The following PCDHA3 variants were observed in gnomAD, a reference collection of about 807,000 sequenced individuals.
The protein encoded by PCDHA3 is protocadherin alpha-3.
Under a neutral mutation model 62.2 loss-of-function variants are expected in PCDHA3, and 41 were observed. The observed-to-expected ratio is 0.66, with a 90% CI of 0.51 to 0.86. The LOEUF is 0.86. PCDHA3 is among the 40% of genes least tolerant of loss of function. PCDHA3 has a pLI of 0.00. For synonymous variants in PCDHA3, 640 were observed against 555.4 expected (o/e 1.15, Z -2.14); for missense variants, 1,304 against 1,241.2 (o/e 1.05, Z -0.76).
intron 1 of PCDHA3, chr5:140,848,990 C>T (rs2150428004): frequency 4.4e-6 from 7 of 1,597,248 alleles, no homozygotes; most frequent in Middle Eastern, 1.7e-4. Flanking sequence ...TCGGGGAGAA[C>T]GCCCTGCTCA....
chr5:140,927,169 T>A, intron 1 of PCDHA3: 1 of 1,614,172 alleles, frequency 6.2e-7, no homozygotes, highest in Non-Finnish European at 8.5e-7. Context: ...CAAAGCTGCC[T>A]GCGTCTTGAC....
intron 3 of PCDHA3, among the ~76,000 whole-genome samples, chr5:140,990,652 A>T (rs1023448596): frequency 1.3e-4 from 20 of 152,208 alleles, no homozygotes; most frequent in Admixed American, 1.3e-3. Flanking sequence ...GCCAGTATGA[A>T]TGATTTACAT....
chr5:140,826,151 AT>A (rs1354366047), intron 1 of PCDHA3, among the ~76,000 whole-genome samples: 3 of 152,210 alleles, frequency 2.0e-5, no homozygotes, highest in African/African-American at 7.2e-5. Flanking sequence ...AGTCCTAGAA[AT>A]TGAGAAATAG....
At chr5:140,822,972 C>T (rs149152981) in intron 1 of PCDHA3, 333 of 1,614,132 alleles carry the variant, frequency 2.1e-4, no homozygotes, top group Non-Finnish European at 2.6e-4. Context: ...TGGTGTCCAC[C>T]TTCAAGAATT....
intron 1 of PCDHA3, chr5:140,969,209 A>G (rs1586360550): frequency 1.2e-6 from 2 of 1,614,194 alleles, no homozygotes; most frequent in Non-Finnish European, 1.7e-6. Context: ...AGGGGCCCAG[A>G]CAGGACCAGG....
In PCDHA3 at chr5:140,802,024, A is replaced by T; in HGVS notation, c.827A>T (p.Asp276Val). The T allele has an allele frequency of 6.2e-7, 1 of 1,614,188 alleles. No homozygotes were observed. The highest frequency in any genetic ancestry group is 8.5e-7 in the Non-Finnish European group (1 of 1,180,042). ...GATTTGGATGAAGGAGTAAATAAGG[A>T]TATCGCGTATTCTTTCAATACGGAC... ...ATDLDEGVNK[D>V]IAYSFNTDMS... is the part of the protein sequence containing the mutation. The change falls in exon 1 of 4, where the codon GAT (aspartate) becomes GTT (valine). Residue 276 changes from aspartate (D) to valine (V), a missense_variant. Coordinates refer to ENST00000522353, the MANE Select transcript of PCDHA3 (RefSeq NM_018906.3).
chr5:140,893,689 A>G (rs999117899), intron 1 of PCDHA3, among the ~76,000 whole-genome samples: 2 of 152,192 alleles, frequency 1.3e-5, no homozygotes, highest in Non-Finnish European at 2.9e-5. Context: ...ATATCATCTC[A>G]TTCTATCCTA....
chr5:141,009,771 T>C lies in PCDHA3; in HGVS notation c.2687T>C (p.Ile896Thr), dbSNP rs142720081. 3.1e-5 allele frequency: 50 copies of C among 1,613,964 alleles called. No homozygotes were observed. The highest frequency in any genetic ancestry group is 1.6e-4 in the Middle Eastern group (1 of 6,084). Residue 896 changes from isoleucine (I) to threonine (T), a missense_variant, in exon 4 of 4, where the codon ATC (isoleucine) becomes ACC (threonine). Transcript: ENST00000522353. ...DKFIIPGSPA[I>T]ISIRQEPTNS... ...TTCATTATCCCAGGATCTCCTGCAA[T>C]CATCTCCATCCGGCAGGAGCCTACT...
intron 1 of PCDHA3, chr5:140,881,486 T>G: frequency 2.8e-6 from 1 of 355,652 alleles, no homozygotes; most frequent in African/African-American, 2.2e-5. Flanking sequence ...ATTATTGTGT[T>G]TATGCACATA....
intron 3 of PCDHA3, among the ~76,000 whole-genome samples, chr5:140,993,956 C>T (rs2097588909): frequency 6.6e-6 from 1 of 152,140 alleles, no homozygotes; most frequent in Admixed American, 6.5e-5. Flanking sequence ...TGATACATGA[C>T]TGTAGTCATC....
chr5:140,907,037 A>G (rs2073120356), intron 1 of PCDHA3, among the ~76,000 whole-genome samples: 1 of 152,202 alleles, frequency 6.6e-6, no homozygotes, highest in Non-Finnish European at 1.5e-5. Flanking sequence ...ATAATGTCAC[A>G]GGGACAGTAA....
intron 1 of PCDHA3, chr5:140,865,219 G>C (rs2048775576): frequency 6.6e-6 from 1 of 152,062 alleles, no homozygotes; most frequent in Admixed American, 6.5e-5. Context: ...TTTCTTTAAA[G>C]GGATCCCAGA....
intron 1 of PCDHA3, among the ~76,000 whole-genome samples, chr5:140,951,086 T>A (rs2094547457): frequency 6.6e-6 from 1 of 152,066 alleles, no homozygotes; most frequent in Admixed American, 6.5e-5. Context: ...ATTTTCCTTT[T>A]TTTCTGATAA....
chr5:140,978,377 G>A (rs1382683424), intron 1 of PCDHA3, among the ~76,000 whole-genome samples: 3 of 152,212 alleles, frequency 2.0e-5, no homozygotes, highest in Non-Finnish European at 4.4e-5. Context: ...GCAATAGTTT[G>A]TTTTCCTCTC....
rs1554121756 is a variant in PCDHA3 at position 140,801,906 on chromosome 5, G to C, written c.709G>C (p.Asp237His). The change falls in exon 1 of 4, where the codon GAC (aspartate) becomes CAC (histidine). Residue 237 changes from aspartate (D) to histidine (H), a missense_variant. By Grantham distance (81) the Asp-to-His change is moderately conservative. Transcript: ENST00000522353. Reference protein sequence around the residue: ...QLKITVLDVNDNAPAFERTIY... With the variant: ...QLKITVLDVNHNAPAFERTIY... The stretch of plus-strand genomic sequence containing the variant: ...AAAGATCACTGTTTTAGATGTAAAC[G>C]ACAACGCCCCAGCGTTTGAGAGGAC... The C allele has an allele frequency of 6.2e-7, 1 of 1,614,068 alleles. No homozygotes were observed. The highest frequency in any genetic ancestry group is 1.3e-5 in the African/African-American group (1 of 74,930).
intron 1 of PCDHA3, chr5:140,884,177 C>G (rs1405519238): frequency 1.9e-6 from 3 of 1,613,322 alleles, no homozygotes; most frequent in South Asian, 1.1e-5. Flanking sequence ...GACGCGCCCT[C>G]TGGACGAGGT....
intron 1 of PCDHA3, among the ~76,000 whole-genome samples, chr5:140,970,569 C>T (rs1346474165): frequency 3.9e-5 from 6 of 152,038 alleles, no homozygotes; most frequent in African/African-American, 1.4e-4. Flanking sequence ...CATATGTATG[C>T]TTGAAATAAC....
At chr5:140,836,232 G>A in intron 1 of PCDHA3, 5 of 1,613,788 alleles carry the variant, frequency 3.1e-6, no homozygotes, top group East Asian at 2.2e-5. Context: ...GGTGGCGGCC[G>A]GTGCGAGCAT....
chr5:140,927,127 G>C (rs1202029150), intron 1 of PCDHA3: 1 of 1,613,964 alleles, frequency 6.2e-7, no homozygotes, highest in Non-Finnish European at 8.5e-7. Context: ...GGTGGTCAGA[G>C]AGCCGGCGGA....
Sources: gnomAD v4.1 joint callset for allele counts (sites outside exome capture counted in the v4.1 genomes callset) on GRCh38, gnomAD v4.1.1 for gene constraint, MANE v1.5 for transcripts, NCBI Gene and HGNC (gene_info 2026-07-23, HGNC 2026-07-21) for gene names.